B4GALNT4: variants seen among roughly 807,000 people sequenced by gnomAD.
The protein encoded by B4GALNT4 is beta-1,4-N-acetyl-galactosaminyltransferase 4, also known as N-acetyl-beta-glucosaminyl-glycoprotein 4-beta-N-acetylgalactosaminyltransferase 1.
Under a neutral mutation model 110.0 loss-of-function variants are expected in B4GALNT4, and 77 were observed. The observed-to-expected ratio is 0.70, with a 90% CI of 0.58 to 0.85. B4GALNT4 has a LOEUF of 0.85. Ranked by LOEUF, B4GALNT4 falls within the 40% of genes least tolerant of loss-of-function variation. The pLI is 0.00. For synonymous variants in B4GALNT4, 785 were observed against 655.5 expected (o/e 1.20, Z -3.02); for missense variants, 1,575 against 1,506.0 (o/e 1.05, Z -0.76).
rs976097608 is a variant in B4GALNT4, at chr11:376,314, G to A, written c.1260G>A (p.Glu420=). The change falls in exon 13 of 20, where the codon GAG becomes GAA. Residue 420 remains glutamate (E), a synonymous_variant. Transcript: ENST00000329962. The part of the protein sequence containing the change: ...KEEGDEDEED[E]VQRRAFLFLN... ...AGGGGGATGAGGATGAAGAAGACGA[G>A]GTGCAGCGCCGAGCCTTCCTCTTCC... The A allele has an allele frequency of 1.2e-6, 2 of 1,610,136 alleles. No individual in the cohort carries two copies. Among genetic ancestry groups the A allele is most frequent in the African/African-American group, 1.3e-5 (1 of 74,944 alleles).
chr11:381,251 G>A (rs141107905), intron 19 of B4GALNT4: 14 of 633,832 alleles, frequency 2.2e-5, no homozygotes, highest in African/African-American at 2.2e-4. Flanking sequence ...ATGCAGGCTC[G>A]AGGCAGCCCT....
chr11:380,489 C>T, intron 18 of B4GALNT4, 44 bp downstream of exon 18: 1 of 1,543,288 alleles, frequency 6.5e-7, no homozygotes, highest in African/African-American at 1.4e-5. Flanking sequence ...GGGTTCCCAC[C>T]AACCGCCGCG....
chr11:381,819 TGGGAGTCCCGA>T lies in B4GALNT4; in HGVS notation c.*30_*40del. The T allele has an allele frequency of 6.4e-7, 1 of 1,553,114 alleles. No individual in the cohort carries two copies. Among genetic ancestry groups the T allele is most frequent in the Non-Finnish European group, 8.7e-7 (1 of 1,154,998 alleles). On this transcript the variant is annotated 3_prime_UTR_variant, in exon 20 of 20. Transcript: ENST00000329962. The stretch of plus-strand genomic sequence containing the variant: ...GACGGGCAGCCCCTCCCAGCCCCGG[TGGGAGTCCCGA>T]GGCAGCTGCTGGGGGCTGGGCTTTG...
Position 372,671 on chromosome 11 carries a change from C to G in B4GALNT4, c.265C>G (p.Arg89Gly), listed in dbSNP as rs80301163. Residue 89 changes from arginine to glycine, a missense_variant, in exon 3 of 20, where the codon CGG becomes GGG. Coordinates refer to ENST00000329962, the MANE Select transcript of B4GALNT4 (RefSeq NM_178537.5). ...SREEEQAPEG[R>G]DLDMLFPGGA... ...CTTTTCTCTCCTGCAGCCCGAAGGT[C>G]GGGACCTAGACATGCTGTTTCCTGG... 6.2e-7 allele frequency: 1 copy of G among 1,611,852 alleles called. No individual in the cohort carries two copies. The highest frequency in any genetic ancestry group is 8.5e-7 in the Non-Finnish European group (1 of 1,179,710).
intron 14 of B4GALNT4, among the ~76,000 whole-genome samples, chr11:379,177 G>A (rs891659109): frequency 6.6e-6 from 1 of 152,224 alleles, no homozygotes; most frequent in Non-Finnish European, 1.5e-5. Context: ...GGAGGCCCGC[G>A]AGGAGGTGAG....
At chr11:369,977 G>C in intron 1 of B4GALNT4, 23 bp downstream of exon 1, 1 of 622,104 alleles carries the variant, frequency 1.6e-6, no homozygotes, top group Non-Finnish European at 2.0e-6. Context: ...GGGCGCGGGG[G>C]GCGCGGGGGG....
rs1474926884 is a variant in B4GALNT4 at position 379,933 on chromosome 11, G to C, written c.2556G>C (p.Gly852=). Residue 852 remains glycine, a synonymous_variant, in exon 16 of 20, where the codon GGG becomes GGC. Coordinates refer to ENST00000329962, the MANE Select transcript of B4GALNT4 (RefSeq NM_178537.5). ...ADMAALHART[G]DSRFSVVLVD... ...TGGCTGCGCTGCACGCGCGCACCGGGGACTCGCGTTTCAGCGTCGTCCTGG... is the reference window on the plus strand; with the variant it reads ...TGGCTGCGCTGCACGCGCGCACCGGCGACTCGCGTTTCAGCGTCGTCCTGG... The C allele has an allele frequency of 6.2e-7, 1 of 1,611,478 alleles. No homozygotes were observed. Among genetic ancestry groups the C allele is most frequent in the Non-Finnish European group, 8.5e-7 (1 of 1,179,830 alleles).
intron 7 of B4GALNT4, 95 bp from the exon 8 acceptor site, chr11:373,655 A>G: frequency 6.6e-7 from 1 of 1,514,798 alleles, no homozygotes; most frequent in Non-Finnish European, 9.1e-7. Context: ...CCTGAGGGCC[A>G]GCCCTGAGGG....
At chr11:370,682 T>G (rs73400523) in intron 1 of B4GALNT4, among the ~76,000 whole-genome samples, 7,463 of 152,010 alleles carry the variant, frequency 0.049, 616 homozygotes, top group African/African-American at 0.17. Flanking sequence ...GCGGTGGGGT[T>G]GGGGGAGAAG....
chr11:373,267 C>T lies in B4GALNT4; in HGVS notation c.612C>T (p.Ala204=), dbSNP rs576215267. 1.9e-6 allele frequency: 3 copies of T among 1,611,138 alleles called. No homozygotes were observed. The highest frequency in any genetic ancestry group is 1.1e-5 in the South Asian group (1 of 91,040). The stretch of plus-strand genomic sequence containing the variant: ...GTCTGGACGAGAGCCCTGCTGCTGC[C>T]CAGCTTGTGGCCTTTGTGGGCAAGG... ...WLSLDESPAA[A]QLVAFVGKTG... is the part of the protein sequence containing the mutation. The change falls in exon 6 of 20, where the codon GCC becomes GCT. Residue 204 remains alanine, a synonymous_variant. Transcript: ENST00000329962.
At chr11:380,742 C>G (rs1846858723) in intron 18 of B4GALNT4, 83 bp from the exon 19 acceptor site, 1 of 1,605,188 alleles carries the variant, frequency 6.2e-7, no homozygotes, top group Non-Finnish European at 8.5e-7. Context: ...CTGACCCCTC[C>G]CGAGGTCTCC....
intron 19 of B4GALNT4, 58 bp downstream of exon 19, chr11:381,009 G>A: frequency 6.4e-7 from 1 of 1,567,986 alleles, no homozygotes; most frequent in Non-Finnish European, 8.7e-7. Flanking sequence ...CTCCTCCTCT[G>A]AATGGGGAAG....
rs1295700037 is a variant in B4GALNT4 at position 376,428 on chromosome 11, G to A, written c.1305G>A (p.Leu435=). ...AACCCGCGTTTCCCGCAGACTTCCT[G>A]GACGACGAGGACGAGGGGGAGCTGC... ...AFLFLNPDDF[L]DDEDEGELLD... Residue 435 remains leucine, a synonymous_variant, in exon 14 of 20, where the codon CTG becomes CTA. Coordinates refer to ENST00000329962, the MANE Select transcript of B4GALNT4 (RefSeq NM_178537.5). 1 of 1,597,662 alleles carries A rather than the reference G, an allele frequency of 6.3e-7. No individual in the cohort carries two copies. Among genetic ancestry groups the A allele is most frequent in the East Asian group, 2.2e-5 (1 of 44,812 alleles).
rs1193180152 is a variant in B4GALNT4 at position 376,757 on chromosome 11, C to T, written c.1634C>T (p.Ala545Val). The T allele has an allele frequency of 7.2e-7, 1 of 1,385,434 alleles. No homozygotes were observed. Among genetic ancestry groups the T allele is most frequent in the East Asian group, 3.3e-5 (1 of 30,272 alleles). The allele number at this position is 1,385,434 out of a possible 1,614,324, so 85.8% of individuals were successfully genotyped here. ...RASPRAPAPR[A>V]PWPPFPGVFL... ...TCCCCCCGGGCCCCAGCGCCGCGTG[C>T]GCCCTGGCCGCCCTTCCCTGGCGTC... Residue 545 changes from alanine to valine, a missense_variant, in exon 14 of 20, where the codon GCG becomes GTG. Physicochemically the swap from Ala to Val is moderately conservative, Grantham distance 64. Coordinates refer to ENST00000329962, the MANE Select transcript of B4GALNT4 (RefSeq NM_178537.5).
In B4GALNT4 at chr11:375,364, G is replaced by A; in HGVS notation, c.784-97G>A. The A allele has an allele frequency of 2.4e-6, 3 of 1,244,300 alleles. No homozygotes were observed. The South Asian group carries it at 3.6e-5, about 15-fold the overall frequency. The allele number at this position is 1,244,300 out of a possible 1,614,324, so 77.1% of individuals were successfully genotyped here. A position where few individuals can be genotyped will look rare whatever the true frequency, so the allele number is the denominator to read the frequency against. ...CTCTCCTGCATCCTTTAAGGGATTG[G>A]TCCTATTAGTCCCCCGGCCCTGAGC... On this transcript the variant is annotated intron_variant, in intron 8 of 19. Transcript: ENST00000329962.
chr11:374,122 G>A (rs753785628), intron 8 of B4GALNT4, among the ~76,000 whole-genome samples: 22 of 152,188 alleles, frequency 1.4e-4, no homozygotes, highest in Non-Finnish European at 2.9e-4. Flanking sequence ...AACAGCGAAG[G>A]AACAGACCCA....
At chr11:374,249 T>G (rs536788268) in intron 8 of B4GALNT4, among the ~76,000 whole-genome samples, 94 of 152,066 alleles carry the variant, frequency 6.2e-4, no homozygotes, top group Non-Finnish European at 1.1e-3. Flanking sequence ...TGGATTTGCA[T>G]TCCAGGAAAA....
rs1846752715 is a variant in B4GALNT4, at chr11:376,370, C to T, written c.1297+19C>T. ...CCGGACGGTGAGTGTCCGCAGCGCC[C>T]CTGGCCCGCACCCACCTGCGCAGGG... On this transcript the variant is annotated intron_variant, in intron 13 of 19. Transcript: ENST00000329962. The T allele has an allele frequency of 5.6e-6, 9 of 1,605,056 alleles. No individual in the cohort carries two copies. Among genetic ancestry groups the T allele is most frequent in the Non-Finnish European group, 7.6e-6 (9 of 1,177,114 alleles).
At position 377,218 on chromosome 11, in the gene B4GALNT4, G is replaced by T. The variant is rs530472031; in HGVS notation, c.2095G>T (p.Asp699Tyr). ...CGTGGACTTCGAGCTGCTGCGCTCG[G>T]ACTGGAACGACCTGCGATGCAACGT... ...GAVDFELLRS[D>Y]WNDLRCNVSG... The change falls in exon 14 of 20, where the codon GAC becomes TAC. Residue 699 changes from aspartate (D) to tyrosine (Y), a missense_variant. Transcript: ENST00000329962. The T allele has an allele frequency of 2.5e-6, 4 of 1,596,508 alleles. No homozygotes were observed. The highest frequency in any genetic ancestry group is 1.1e-5 in the South Asian group (1 of 88,406).
Sources: gnomAD v4.1 joint callset for allele counts (sites outside exome capture counted in the v4.1 genomes callset) on GRCh38, gnomAD v4.1.1 for gene constraint, MANE v1.5 for transcripts, NCBI Gene and HGNC (gene_info 2026-07-23, HGNC 2026-07-21) for gene names.